Variants in GLIS3 observed in about 807,000 individuals in gnomAD.
GLIS3 encodes zinc finger protein GLIS3.
GLIS3 carries 53 observed loss-of-function variants against 78.6 expected under a neutral mutation model. The observed-to-expected ratio is 0.67, with a 90% CI of 0.54 to 0.85. The LOEUF (loss-of-function observed/expected upper bound fraction) is 0.85. Among genes scored for constraint, GLIS3 ranks in the 40% least tolerant of loss-of-function variants. The pLI is 0.00. For synonymous variants in GLIS3, 684 were observed against 509.9 expected (o/e 1.34, Z -4.60); for missense variants, 1,703 against 1,231.1 (o/e 1.38, Z -5.74).
intron 4 of GLIS3, among the ~76,000 whole-genome samples, chr9:4,028,444 A>G (rs1370491325): frequency 6.6e-6 from 1 of 152,208 alleles, no homozygotes; most frequent in Non-Finnish European, 1.5e-5. Flanking sequence ...AAGAGCATAT[A>G]GGACACTGAG....
the GLIS3 span, among the ~76,000 whole-genome samples, chr9:4,400,496 T>C: frequency 6.6e-6 from 1 of 152,220 alleles, no homozygotes; most frequent in Non-Finnish European, 1.5e-5. Flanking sequence ...ATAACCTTTG[T>C]TCCTCTGATT....
At chr9:4,059,395 C>G (rs949905633) in intron 4 of GLIS3, among the ~76,000 whole-genome samples, 3 of 152,198 alleles carry the variant, frequency 2.0e-5, no homozygotes, top group Admixed American at 1.3e-4. Flanking sequence ...ATCCTTCAGA[C>G]AGTGACTACA....
At chr9:4,478,246 T>A in the GLIS3 span, among the ~76,000 whole-genome samples, 6 of 152,200 alleles carry the variant, frequency 3.9e-5, no homozygotes, top group African/African-American at 1.4e-4. Flanking sequence ...AGGATCATGA[T>A]TGTAACTGAT....
the GLIS3 span, among the ~76,000 whole-genome samples, chr9:4,475,809 T>C: frequency 0.012 from 1,873 of 152,316 alleles, 21 homozygotes; most frequent in Middle Eastern, 0.02. Flanking sequence ...CAAACACTAA[T>C]AGATAATTAG....
rs141534088 is a variant in GLIS3, at chr9:3,942,852, C to T, written c.1711-5663G>A. ...AGGTCACCTTAATCTTGAAAAGATA[C>T]AGTTTGGTGGGATTTTAAAAAGACG... is the stretch of plus-strand genomic sequence containing the variant. On this transcript the variant is annotated intron_variant, in intron 4 of 10. Transcript: ENST00000381971. 2.2e-4 allele frequency among the ~76,000 whole-genome samples: 33 copies of T among 152,192 alleles called. No individual in the cohort carries two copies. In the East Asian group the frequency reaches 6.4e-3, roughly 29 times the overall value.
chr9:3,878,437 A>G (rs1821475587), intron 8 of GLIS3, among the ~76,000 whole-genome samples: 1 of 152,354 alleles, frequency 6.6e-6, no homozygotes, highest in South Asian at 2.1e-4. Context: ...GAAGAAAGTC[A>G]TAAACAGTAA....
At chr9:4,202,952 C>G (rs185521301) in intron 2 of GLIS3, among the ~76,000 whole-genome samples, 2 of 152,108 alleles carry the variant, frequency 1.3e-5, no homozygotes, top group Non-Finnish European at 2.9e-5. Flanking sequence ...GCAATTGCAA[C>G]AAAAACAAAA....
intron 4 of GLIS3, among the ~76,000 whole-genome samples, chr9:4,044,149 G>T (rs1406434258): frequency 6.6e-6 from 1 of 152,198 alleles, no homozygotes; most frequent in Admixed American, 6.5e-5. Context: ...AGGACATGGG[G>T]AGGGAGTCTG....
intron 4 of GLIS3, among the ~76,000 whole-genome samples, chr9:4,009,290 C>T (rs1017705873): frequency 6.6e-6 from 1 of 152,170 alleles, no homozygotes; most frequent in African/African-American, 2.4e-5. Flanking sequence ...GTGCTGCAGA[C>T]ACAAGGTGGT....
intron 2 of GLIS3, among the ~76,000 whole-genome samples, chr9:4,227,113 C>T (rs1821837374): frequency 1.3e-5 from 2 of 152,056 alleles, no homozygotes; most frequent in South Asian, 4.1e-4. Flanking sequence ...TGCAGATGGG[C>T]ACGGGCACAG....
chr9:4,046,046 T>C (rs1331157054), intron 4 of GLIS3, among the ~76,000 whole-genome samples: 1 of 152,214 alleles, frequency 6.6e-6, no homozygotes, highest in African/African-American at 2.4e-5. Flanking sequence ...TCACTCAGAA[T>C]TGGCCACATC....
intron 2 of GLIS3, among the ~76,000 whole-genome samples, chr9:4,243,832 G>A (rs1260655174): frequency 1.3e-5 from 2 of 152,208 alleles, no homozygotes; most frequent in Non-Finnish European, 2.9e-5. Context: ...ACATTAGGAA[G>A]TAAATCAAAA....
chr9:4,386,953 C>A, the GLIS3 span, among the ~76,000 whole-genome samples: 31 of 152,268 alleles, frequency 2.0e-4, no homozygotes, highest in Non-Finnish European at 4.1e-4. Context: ...TTGAGGATCA[C>A]AGAACTCTCA....
chr9:4,400,386 C>CA, the GLIS3 span, among the ~76,000 whole-genome samples: 7,520 of 152,150 alleles, frequency 0.049, 461 homozygotes, highest in East Asian at 0.24. Context: ...ATAAGTAATT[C>CA]AAAATCAAAG....
chr9:4,116,233 T>G (rs982737594), intron 4 of GLIS3, among the ~76,000 whole-genome samples: 1 of 152,196 alleles, frequency 6.6e-6, no homozygotes, highest in Non-Finnish European at 1.5e-5. Context: ...AACTAAAAGG[T>G]TGGACTGTTT....
chr9:4,183,453 T>C (rs10119355), intron 2 of GLIS3, among the ~76,000 whole-genome samples: 44,278 of 152,024 alleles, frequency 0.29, 6,813 homozygotes, highest in East Asian at 0.35. Context: ...CTCATTCCCA[T>C]TAACTTAATC....
chr9:4,469,309 C>G, the GLIS3 span, among the ~76,000 whole-genome samples: 4 of 152,168 alleles, frequency 2.6e-5, no homozygotes, highest in African/African-American at 7.2e-5. Flanking sequence ...ACAGAACCCT[C>G]CACCCCAAAT....
the GLIS3 span, among the ~76,000 whole-genome samples, chr9:4,402,574 T>C: frequency 6.6e-6 from 1 of 152,040 alleles, no homozygotes; most frequent in South Asian, 2.1e-4. Context: ...AAATTTAACA[T>C]AACACAGAGA....
At chr9:4,464,391 A>C in the GLIS3 span, among the ~76,000 whole-genome samples, 1 of 150,200 alleles carries the variant, frequency 6.7e-6, no homozygotes, top group Non-Finnish European at 1.5e-5. Context: ...TTATTTTTTT[A>C]ATTTTATTTA....
Sources: gnomAD v4.1 joint callset for allele counts (sites outside exome capture counted in the v4.1 genomes callset) on GRCh38, gnomAD v4.1.1 for gene constraint, MANE v1.5 for transcripts, NCBI Gene and HGNC (gene_info 2026-07-23, HGNC 2026-07-21) for gene names.